SYTL2: variants seen among roughly 807,000 people sequenced by gnomAD.
The protein encoded by SYTL2 is synaptotagmin like 2.
In SYTL2, 165 loss-of-function variants were observed where a neutral mutation model predicts 198.7. The ratio of observed to expected loss-of-function variants is 0.83; its 90% confidence interval spans 0.73 to 0.94. The LOEUF (loss-of-function observed/expected upper bound fraction) is 0.94, where lower values mean the gene tolerates loss of function less well. Among genes scored for constraint, SYTL2 ranks in the 40% least tolerant of loss-of-function variants. The pLI, the probability that SYTL2 is intolerant of heterozygous loss-of-function variation, is 0.00. For synonymous variants in SYTL2, 966 were observed against 917.7 expected, an observed-to-expected ratio of 1.05 and a Z score of -0.95; for missense variants, 2,835 against 2,582.8, an observed-to-expected ratio of 1.10 and a Z score of -2.12.
chr11:85,751,913 T>C (rs149656511), intron 2 of SYTL2, among the ~76,000 whole-genome samples: 1 of 152,366 alleles, frequency 6.6e-6, no homozygotes, highest in Non-Finnish European at 1.5e-5. Flanking sequence ...CTGCTTCAAA[T>C]TGGACATTAA....
At chr11:85,818,244 G>A in the SYTL2 span, among the ~76,000 whole-genome samples, 6 of 152,002 alleles carry the variant, frequency 3.9e-5, no homozygotes, top group South Asian at 2.1e-4. Flanking sequence ...GATGAAGTGC[G>A]TGGTGCACAT....
At position 85,748,234 on chromosome 11, in the gene SYTL2, G is replaced by C. The variant is rs192149129; in HGVS notation, c.253+38C>G. 8.8e-6 allele frequency: 14 copies of C among 1,593,168 alleles called. No homozygotes were observed. The African/African-American group carries it at 1.6e-4, about 18-fold the overall frequency. ...TTCTCCCCGCTCCTCCTTCCCAAAC[G>C]AATGCTTGTTGTAAATGCACTAGCC... On this transcript the variant is annotated intron_variant, in intron 3 of 19. Coordinates refer to ENST00000359152, the MANE Select transcript of SYTL2 (RefSeq NM_206927.4).
intron 16 of SYTL2, among the ~76,000 whole-genome samples, chr11:85,704,544 C>T (rs74694063): frequency 0.021 from 3,151 of 152,214 alleles, 58 homozygotes; most frequent in Admixed American, 0.037. Context: ...ATCCTTTAAT[C>T]ATTGAATACA....
At chr11:85,785,945 A>T (rs1457018521) in intron 1 of SYTL2, among the ~76,000 whole-genome samples, 1 of 152,206 alleles carries the variant, frequency 6.6e-6, no homozygotes, top group Admixed American at 6.5e-5. Context: ...TACTATGTTT[A>T]AAAAAGTCCT....
chr11:85,713,729 A>G (rs1334298599), intron 12 of SYTL2, among the ~76,000 whole-genome samples: 1 of 152,240 alleles, frequency 6.6e-6, no homozygotes, highest in Non-Finnish European at 1.5e-5. Context: ...CAGAATGAGT[A>G]TTAGGTACCT....
intron 13 of SYTL2, among the ~76,000 whole-genome samples, chr11:85,710,909 A>G (rs1296226253): frequency 6.6e-6 from 1 of 152,196 alleles, no homozygotes; most frequent in East Asian, 1.9e-4. Flanking sequence ...AAAACCCCAC[A>G]AAGATTTGTT....
Position 85,707,518 on chromosome 11 carries a change from A to G in SYTL2, c.5929T>C (p.Tyr1977His), listed in dbSNP as rs1472158798. The change falls in exon 15 of 20, where the codon TAT becomes CAT. Residue 1977 changes from tyrosine (Y) to histidine (H), a missense_variant. By Grantham distance (83) the Tyr-to-His change is moderately conservative. Around this residue, in one of 3 missense-constraint regions of SYTL2, gnomAD observed 2,645 missense variants for 2,381.7 expected, o/e 1.11. Coordinates refer to ENST00000359152, the MANE Select transcript of SYTL2 (RefSeq NM_206927.4). ...ATTTTGCCTTTGTCTGGTAGCAAAT[A>G]GGCCTTTACATATCTGAAAAGGAGA... ...KQRSDPYVKA[Y>H]LLPDKGKMGK... The G allele has an allele frequency of 1.6e-5, 26 of 1,608,588 alleles. No individual in the cohort carries two copies. The highest frequency in any genetic ancestry group is 2.2e-5 in the Non-Finnish European group (26 of 1,175,970).
intron 8 of SYTL2, among the ~76,000 whole-genome samples, chr11:85,723,594 C>G (rs970034688): frequency 1.3e-5 from 2 of 152,196 alleles, no homozygotes; most frequent in Admixed American, 6.5e-5. Flanking sequence ...CTAAATATTT[C>G]CAGGAGGAAA....
At chr11:85,750,272 T>C (rs1319733081) in intron 2 of SYTL2, among the ~76,000 whole-genome samples, 1 of 152,184 alleles carries the variant, frequency 6.6e-6, no homozygotes, top group Non-Finnish European at 1.5e-5. Flanking sequence ...CCAGGACTTC[T>C]GAGATGATTG....
chr11:85,771,051 C>T (rs76420725), intron 1 of SYTL2, among the ~76,000 whole-genome samples: 3,821 of 152,288 alleles, frequency 0.025, 74 homozygotes, highest in Admixed American at 0.054. Context: ...AGTAATTATT[C>T]AATAACTAAC....
rs191612859 is a variant in SYTL2, at chr11:85,736,202, T to G, written c.586+299A>C. Among the ~76,000 whole-genome samples the G allele has an allele frequency of 1.2e-4, 19 of 152,320 alleles. No homozygotes were observed. The East Asian group carries it at 3.7e-3, about 29-fold the overall frequency. Reference sequence around the variant, plus strand: ...TAGGCATCTAATAAATACTGTTAAGTGGAAGACTGAATGTCTTGGGTCAAA... The same window carrying G: ...TAGGCATCTAATAAATACTGTTAAGGGGAAGACTGAATGTCTTGGGTCAAA... On this transcript the variant is annotated intron_variant, in intron 6 of 19. Transcript: ENST00000359152.
At chr11:85,746,944 G>T (rs546732874) in intron 3 of SYTL2, among the ~76,000 whole-genome samples, 1 of 152,268 alleles carries the variant, frequency 6.6e-6, no homozygotes, top group South Asian at 2.1e-4. Context: ...TAGAATGGGG[G>T]AAATAATGCC....
intron 12 of SYTL2, among the ~76,000 whole-genome samples, chr11:85,711,551 A>G (rs1242487983): frequency 1.3e-5 from 2 of 152,198 alleles, no homozygotes; most frequent in Non-Finnish European, 2.9e-5. Flanking sequence ...TTATATATTT[A>G]TTTGCCTGGG....
chr11:85,778,619 A>C (rs145344046), intron 1 of SYTL2, among the ~76,000 whole-genome samples: 144 of 152,344 alleles, frequency 9.5e-4, no homozygotes, highest in African/African-American at 3.2e-3. Context: ...ATCCTTGAGC[A>C]AGTGCCTAAC....
chr11:85,754,510 TTTAA>T (rs1418723287), intron 2 of SYTL2, among the ~76,000 whole-genome samples: 4 of 152,198 alleles, frequency 2.6e-5, no homozygotes, highest in African/African-American at 9.6e-5. Flanking sequence ...TTATTTTTAA[TTTAA>T]TTGACAAATA....
intron 1 of SYTL2, among the ~76,000 whole-genome samples, chr11:85,777,579 G>T (rs1365455841): frequency 2.0e-5 from 3 of 151,756 alleles, no homozygotes; most frequent in African/African-American, 7.3e-5. Flanking sequence ...AATTATAGAA[G>T]GGATTATAAA....
chr11:85,724,952 G>A lies in SYTL2; in HGVS notation c.4406C>T (p.Ala1469Val), dbSNP rs374024937. 6 of 1,613,698 alleles carry A rather than the reference G, an allele frequency of 3.7e-6. No individual in the cohort carries two copies. The highest frequency in any genetic ancestry group is 1.6e-4 in the Middle Eastern group (1 of 6,078). The part of the protein sequence containing the change: ...QTLSSFASIV[A>V]QYGKGLPQEV... ...CTGAGGGAGGCCTTTGCCATATTGA[G>A]CAACAATGGAAGCAAATGAGCTAAG... Residue 1469 changes from alanine to valine, a missense_variant, in exon 8 of 20, where the codon GCT becomes GTT. Around this residue, in one of 3 missense-constraint regions of SYTL2, gnomAD observed 2,645 missense variants for 2,381.7 expected, o/e 1.11. Coordinates refer to ENST00000359152, the MANE Select transcript of SYTL2 (RefSeq NM_206927.4).
chr11:85,749,382 AC>A (rs2091372760), intron 2 of SYTL2, among the ~76,000 whole-genome samples: 1 of 152,228 alleles, frequency 6.6e-6, no homozygotes, highest in African/African-American at 2.4e-5. Flanking sequence ...AGATAGTCAT[AC>A]AAACTAATAT....
chr11:85,713,832 C>T (rs1161901889), intron 12 of SYTL2, among the ~76,000 whole-genome samples: 1 of 152,160 alleles, frequency 6.6e-6, no homozygotes, highest in Non-Finnish European at 1.5e-5. Flanking sequence ...CAGCAGGCAA[C>T]TTGGATCTGT....
Sources: gnomAD v4.1 joint callset for allele counts (sites outside exome capture counted in the v4.1 genomes callset) on GRCh38, gnomAD v4.1.1 for gene constraint, gnomAD v4.1.1 regional missense constraint, MANE v1.5 for transcripts, NCBI Gene and HGNC (gene_info 2026-07-23, HGNC 2026-07-21) for gene names.